WARS1: variants seen among roughly 807,000 people sequenced by gnomAD.
WARS1 encodes the protein tryptophanyl-tRNA synthetase 1.
WARS1 carries 17 observed loss-of-function variants against 47.8 expected under a neutral mutation model. The observed-to-expected ratio is 0.36, with a 90% CI of 0.24 to 0.53. The LOEUF is 0.53. Among genes scored for constraint, WARS1 ranks in the 20% least tolerant of loss-of-function variants. WARS1 has a pLI of 0.91. For synonymous variants in WARS1, 208 were observed against 228.1 expected, an observed-to-expected ratio of 0.91 and a Z score of 0.79; for missense variants, 434 against 608.0, an observed-to-expected ratio of 0.71 and a Z score of 3.01.
intron 9 of WARS1, 138 bp downstream of exon 9, chr14:100,342,260 G>T: frequency 8.1e-7 from 1 of 1,229,924 alleles, no homozygotes; most frequent in Non-Finnish European, 1.2e-6. Context: ...AGCAAAGTTG[G>T]CAATCCTGGA....
intron 7 of WARS1, among the ~76,000 whole-genome samples, chr14:100,344,984 G>A (rs1296921129): frequency 4.0e-5 from 6 of 149,144 alleles, no homozygotes; most frequent in Non-Finnish European, 7.4e-5. Flanking sequence ...CAGCCGCCCC[G>A]TCCGGGAGGG....
intron 7 of WARS1, among the ~76,000 whole-genome samples, chr14:100,346,339 T>C (rs1250500110): frequency 2.0e-5 from 3 of 152,118 alleles, no homozygotes; most frequent in Non-Finnish European, 4.4e-5. Flanking sequence ...AGACAAAGAC[T>C]CAAAGGCCCT....
intron 9 of WARS1, among the ~76,000 whole-genome samples, chr14:100,337,688 CAAAA>C (rs35725702): frequency 8.7e-6 from 1 of 114,434 alleles, no homozygotes. Flanking sequence ...TCCTCTCTGC[CAAAA>C]AAAAAAAAAA....
chr14:100,366,010 C>G (rs1028893915), intron 2 of WARS1: 1 of 455,886 alleles, frequency 2.2e-6, no homozygotes, highest in African/African-American at 2.0e-5. Context: ...GAAGTCTCTT[C>G]AAGAAGCAGT....
At chr14:100,338,653 T>TG (rs1244346617) in intron 9 of WARS1, among the ~76,000 whole-genome samples, 1 of 151,510 alleles carries the variant, frequency 6.6e-6, no homozygotes, top group Non-Finnish European at 1.5e-5. Flanking sequence ...AGGCTGGTCT[T>TG]GAACTCCCAA....
Position 100,360,638 on chromosome 14 carries a change from T to C in WARS1, c.338A>G (p.Asp113Gly). Residue 113 changes from aspartate (D) to glycine (G), a missense_variant, in exon 4 of 11, where the codon GAC becomes GGC. Around this residue, in one of 2 missense-constraint regions of WARS1, gnomAD observed 347 missense variants for 523.8 expected, o/e 0.66. Coordinates refer to ENST00000392882, the MANE Select transcript of WARS1 (RefSeq NM_004184.4). The part of the protein sequence containing the change: ...LIVRFGSSKI[D>G]KELINRIERA... ...CTCTATTCGGTTTATTAGCTCTTTG[T>C]CAATTTTACTACTTCCAAACCGAAC... is the stretch of plus-strand genomic sequence containing the variant. The C allele has an allele frequency of 6.2e-7, 1 of 1,613,932 alleles. No homozygotes were observed. The highest frequency in any genetic ancestry group is 8.5e-7 in the Non-Finnish European group (1 of 1,179,840).
intron 2 of WARS1, chr14:100,368,407 C>T: frequency 2.2e-6 from 1 of 456,010 alleles, no homozygotes. Context: ...GGGGAGACTG[C>T]CTGGACGGGA....
chr14:100,366,579 C>G (rs1157219313), intron 2 of WARS1: 9 of 667,918 alleles, frequency 1.3e-5, no homozygotes, highest in East Asian at 5.3e-5. Context: ...ATTAAGATCT[C>G]AGAGAGAGAG....
At chr14:100,345,305 C>A (rs1415617568) in intron 7 of WARS1, among the ~76,000 whole-genome samples, 1 of 151,976 alleles carries the variant, frequency 6.6e-6, no homozygotes, top group Non-Finnish European at 1.5e-5. Context: ...ACATGGGAGA[C>A]TTTTCATTTT....
intron 3 of WARS1, among the ~76,000 whole-genome samples, chr14:100,361,098 C>A (rs1007579981): frequency 6.6e-6 from 1 of 152,202 alleles, no homozygotes; most frequent in African/African-American, 2.4e-5. Flanking sequence ...TGTCGGTCTT[C>A]AAGTGAATTT....
At chr14:100,374,441 C>T (rs995292666) in intron 1 of WARS1, among the ~76,000 whole-genome samples, 5 of 152,310 alleles carry the variant, frequency 3.3e-5, no homozygotes, top group South Asian at 4.1e-4. Flanking sequence ...TTTTCAAGAA[C>T]TTGAATCTTG....
chr14:100,360,713 C>A, intron 3 of WARS1, 51 bp from the exon 4 acceptor site: 1 of 1,350,548 alleles, frequency 7.4e-7, no homozygotes, highest in South Asian at 1.2e-5. Context: ...GTTTAGTGAT[C>A]AGATATTACT....
intron 8 of WARS1, 103 bp downstream of exon 8, chr14:100,343,172 T>C: frequency 1.0e-6 from 1 of 989,904 alleles, no homozygotes; most frequent in Non-Finnish European, 1.4e-6. Flanking sequence ...CCACCCTGCC[T>C]GGCTGCCCAT....
At chr14:100,342,318 G>A (rs757570352) in intron 9 of WARS1, 80 bp downstream of exon 9, 21 of 1,580,308 alleles carry the variant, frequency 1.3e-5, no homozygotes, top group South Asian at 1.1e-4. Flanking sequence ...AAAGCACTGC[G>A]CAGTGGTGTG....
chr14:100,374,472 A>G (rs1184374362), intron 1 of WARS1, among the ~76,000 whole-genome samples: 6 of 152,220 alleles, frequency 3.9e-5, no homozygotes, highest in Non-Finnish European at 4.4e-5. Flanking sequence ...GAAAGTTTCC[A>G]CTGTGGTGGA....
intron 9 of WARS1, among the ~76,000 whole-genome samples, chr14:100,341,281 T>C (rs1007714481): frequency 1.3e-5 from 2 of 152,178 alleles, no homozygotes; most frequent in Admixed American, 1.3e-4. Flanking sequence ...CCAATGGCGC[T>C]TCCCTCCCCA....
intron 6 of WARS1, among the ~76,000 whole-genome samples, chr14:100,350,427 AT>A (rs1161329372): frequency 2.2e-5 from 3 of 137,914 alleles, no homozygotes; most frequent in African/African-American, 8.1e-5. Flanking sequence ...GGAAGTTCTT[AT>A]TTAGCGAAGG....
Position 100,337,063 on chromosome 14 carries a change from T to C in WARS1, c.1253A>G (p.Lys418Arg). 6.2e-7 allele frequency: 1 copy of C among 1,613,678 alleles called. No homozygotes were observed. Among genetic ancestry groups the C allele is most frequent in the Non-Finnish European group, 8.5e-7 (1 of 1,179,584 alleles). The change falls in exon 10 of 11, where the codon AAG becomes AGG. Residue 418 changes from lysine to arginine, a missense_variant and splice_region_variant. Physicochemically the swap from Lys to Arg is conservative, Grantham distance 26. Around this residue, in one of 2 missense-constraint regions of WARS1, gnomAD observed 347 missense variants for 523.8 expected, o/e 0.66. Transcript: ENST00000392882. ...EDDDKLEQIRKDYTSGAMLTG... is the reference protein window; with the variant it reads ...EDDDKLEQIRRDYTSGAMLTG... Reference sequence around the variant, plus strand: ...GGGCCCTTGGGGTTCCCTGCTCACCTTCCTGATCTGCTCGAGCTTGTCGTC... The same window carrying C: ...GGGCCCTTGGGGTTCCCTGCTCACCCTCCTGATCTGCTCGAGCTTGTCGTC...
intron 2 of WARS1, among the ~76,000 whole-genome samples, chr14:100,367,910 T>C (rs1896105757): frequency 6.6e-6 from 1 of 152,126 alleles, no homozygotes; most frequent in African/African-American, 2.4e-5. Context: ...TTTGCAATAT[T>C]TTTTTCAGAA....
Sources: allele counts gnomAD v4.1 joint callset (sites outside exome capture counted in the v4.1 genomes callset), GRCh38; gene constraint gnomAD v4.1.1; regional missense constraint gnomAD v4.1.1; transcripts MANE v1.5; gene names NCBI Gene and HGNC (gene_info 2026-07-23, HGNC 2026-07-21).